The following SLCO3A1 variants were observed in gnomAD, a reference collection of about 807,000 sequenced individuals.
The protein encoded by SLCO3A1 is solute carrier organic anion transporter family member 3A1, also known as PGE1 transporter.
In SLCO3A1, 27 loss-of-function variants were observed where a neutral mutation model predicts 63.1. The observed-to-expected ratio is 0.43, with a 90% CI of 0.32 to 0.59. The LOEUF (loss-of-function observed/expected upper bound fraction) is 0.59. SLCO3A1 is among the 20% of genes least tolerant of loss of function. SLCO3A1 has a pLI of 0.09. For synonymous variants in SLCO3A1, 473 were observed against 409.9 expected, an observed-to-expected ratio of 1.15 and a Z score of -1.86; for missense variants, 773 against 945.8, an observed-to-expected ratio of 0.82 and a Z score of 2.40.
chr15:92,136,288 G>A (rs574503855), intron 7 of SLCO3A1, among the ~76,000 whole-genome samples: 8 of 152,176 alleles, frequency 5.3e-5, no homozygotes, highest in African/African-American at 1.7e-4. Context: ...CTTGAACTTC[G>A]CTTCCTTTGT....
At chr15:92,052,460 G>T (rs1320390609) in intron 2 of SLCO3A1, among the ~76,000 whole-genome samples, 1 of 152,130 alleles carries the variant, frequency 6.6e-6, no homozygotes, top group South Asian at 2.1e-4. Flanking sequence ...GGACCTCAGG[G>T]TTCATCCAGT....
Position 91,942,931 on chromosome 15 carries a change from G to A in SLCO3A1, c.646+26473G>A, listed in dbSNP as rs1899673142. On this transcript the variant is annotated intron_variant, in intron 2 of 9. Transcript: ENST00000318445. The surrounding 1 kb of genome is among the most constrained non-coding windows in gnomAD (Gnocchi z 4.1). ...CAGAGCAGAACTGCTCTGCCCGAGT[G>A]GGCGTGGGGCCCAGGGCCCAGCCGT... 6.6e-6 allele frequency among the ~76,000 whole-genome samples: 1 copy of A among 152,210 alleles called. No homozygotes were observed. Among genetic ancestry groups the A allele is most frequent in the Non-Finnish European group, 1.5e-5 (1 of 68,042 alleles).
At chr15:92,089,008 A>ATTATTTATTTAT (rs1555431409) in intron 2 of SLCO3A1, among the ~76,000 whole-genome samples, 12 of 90,522 alleles carry the variant, frequency 1.3e-4, no homozygotes, top group African/African-American at 3.4e-4. Context: ...TTATTTATTT[A>ATTATTTATTTAT]TTATTTATTT....
intron 2 of SLCO3A1, among the ~76,000 whole-genome samples, chr15:91,971,055 G>C (rs963186523): frequency 3.3e-5 from 5 of 152,108 alleles, no homozygotes; most frequent in Non-Finnish European, 7.4e-5. Flanking sequence ...TGCAGGGTGG[G>C]GAAACATTTG....
chr15:92,139,584 C>T (rs866791349), intron 7 of SLCO3A1, among the ~76,000 whole-genome samples: 1 of 151,930 alleles, frequency 6.6e-6, no homozygotes, highest in African/African-American at 2.4e-5. Context: ...TGGTAGAATT[C>T]GGCTGTGAAT....
At position 91,878,002 on chromosome 15, in the gene SLCO3A1, A is replaced by T. The variant is rs548824856; in HGVS notation, c.180+23914A>T. ...GGTGAGGCTGCACCGGAACAGAGAGAACTGTGCTGACAACATGAGGCAAGA... is the reference window on the plus strand; with the variant it reads ...GGTGAGGCTGCACCGGAACAGAGAGTACTGTGCTGACAACATGAGGCAAGA... On this transcript the variant is annotated intron_variant, in intron 1 of 9. Coordinates refer to ENST00000318445, the MANE Select transcript of SLCO3A1 (RefSeq NM_013272.4). 2.0e-5 allele frequency among the ~76,000 whole-genome samples: 3 copies of T among 152,036 alleles called. No homozygotes were observed. In the South Asian group the frequency reaches 6.2e-4, roughly 32 times the overall value.
At chr15:92,060,762 A>G (rs1435558757) in intron 2 of SLCO3A1, among the ~76,000 whole-genome samples, 1 of 152,128 alleles carries the variant, frequency 6.6e-6, no homozygotes, top group Admixed American at 6.5e-5. Flanking sequence ...AGCCTCCCAA[A>G]GTGCTAGGAT....
At chr15:91,933,615 GATGTTAA>G (rs1268450787) in intron 2 of SLCO3A1, among the ~76,000 whole-genome samples, 11 of 152,158 alleles carry the variant, frequency 7.2e-5, no homozygotes, top group Admixed American at 2.6e-4. Context: ...AATTTTTAGA[GATGTTAA>G]TAATAGCAAA....
chr15:91,971,399 A>AAAAG lies in SLCO3A1; in HGVS notation c.646+54944_646+54945insGAAA, dbSNP rs1356069680. ...GACAGAGCGAGACTCCATCTCAAAA[A>AAAAG]AAAAAAAAAAAGCAACCTCTTCCTT... On this transcript the variant is annotated intron_variant, in intron 2 of 9. Transcript: ENST00000318445. Among the ~76,000 whole-genome samples, 5 of 144,358 alleles carry AAAAG rather than the reference A, an allele frequency of 3.5e-5. 1 individual carries two copies. Among genetic ancestry groups the AAAAG allele is most frequent in the Non-Finnish European group, 7.6e-5 (5 of 65,580 alleles). 94.7% of individuals were successfully genotyped at this position (144,358 alleles called of 152,430 possible).
At chr15:92,057,399 G>C (rs550285965) in intron 2 of SLCO3A1, among the ~76,000 whole-genome samples, 2 of 152,334 alleles carry the variant, frequency 1.3e-5, no homozygotes, top group East Asian at 3.9e-4. Flanking sequence ...GAAGATAATG[G>C]TTAGAACTGA....
chr15:91,990,752 A>T (rs540399130), intron 2 of SLCO3A1, among the ~76,000 whole-genome samples: 1 of 152,086 alleles, frequency 6.6e-6, no homozygotes, highest in Admixed American at 6.5e-5. Context: ...ACCCTTCCTG[A>T]CGCATTTGCT....
intron 2 of SLCO3A1, among the ~76,000 whole-genome samples, chr15:92,030,399 G>T (rs1297537027): frequency 1.3e-5 from 2 of 152,202 alleles, no homozygotes; most frequent in African/African-American, 4.8e-5. Context: ...AGTGGGGAAG[G>T]ATGGTGGTGG....
chr15:92,032,657 T>C (rs2046667718), intron 2 of SLCO3A1, among the ~76,000 whole-genome samples: 1 of 151,930 alleles, frequency 6.6e-6, no homozygotes, highest in African/African-American at 2.4e-5. Context: ...GTGCGGTGAT[T>C]GGGTAGGTTG....
chr15:91,958,011 C>T (rs1156347173), intron 2 of SLCO3A1, among the ~76,000 whole-genome samples: 2 of 151,960 alleles, frequency 1.3e-5, no homozygotes, highest in Non-Finnish European at 2.9e-5. Context: ...TGCATGGACC[C>T]GCCTCTATGC....
rs149738364 is a variant in SLCO3A1, at chr15:91,963,666, G to C, written c.646+47208G>C. On this transcript the variant is annotated intron_variant, in intron 2 of 9. Transcript: ENST00000318445. ...GTGTTACAGTTCTTAAAGATGATGC[G>C]TCTGGAGTTGTTCCTTCCGAGGTTC... 4.3e-3 allele frequency among the ~76,000 whole-genome samples: 655 copies of C among 152,166 alleles called. 5 individuals are homozygous for C. The highest frequency in any genetic ancestry group is 0.015 in the African/African-American group (625 of 41,510).
chr15:91,887,093 T>A (rs532139034), intron 1 of SLCO3A1, among the ~76,000 whole-genome samples: 1 of 152,296 alleles, frequency 6.6e-6, no homozygotes, highest in African/African-American at 2.4e-5. Flanking sequence ...GAATGCCAGG[T>A]GTCATTATCA....
intron 1 of SLCO3A1, among the ~76,000 whole-genome samples, chr15:91,871,760 T>A (rs1341275052): frequency 8.4e-6 from 1 of 118,384 alleles, no homozygotes; most frequent in Non-Finnish European, 1.7e-5. Flanking sequence ...TTTTGTTTTT[T>A]TTTGGTTTTT....
intron 8 of SLCO3A1, among the ~76,000 whole-genome samples, chr15:92,147,839 A>T (rs944261642): frequency 2.0e-5 from 3 of 152,160 alleles, no homozygotes; most frequent in African/African-American, 7.2e-5. Flanking sequence ...TCATTTGCAG[A>T]GTTACCTAGA....
At chr15:92,062,525 T>TAGAGAAGGC (rs1413688641) in intron 2 of SLCO3A1, among the ~76,000 whole-genome samples, 1 of 152,114 alleles carries the variant, frequency 6.6e-6, no homozygotes, top group East Asian at 1.9e-4. Flanking sequence ...GTTTGTGTCC[T>TAGAGAAGGC]AGAGAAGGCA....
Sources: gnomAD v4.1 joint callset for allele counts (sites outside exome capture counted in the v4.1 genomes callset) on GRCh38, gnomAD v4.1.1 for gene constraint, Gnocchi (gnomAD v3.1) non-coding constraint, MANE v1.5 for transcripts, NCBI Gene and HGNC (gene_info 2026-07-23, HGNC 2026-07-21) for gene names.